NFATC1: variants seen among roughly 807,000 people sequenced by gnomAD.
The protein encoded by NFATC1 is nuclear factor of activated T-cells, cytoplasmic 1.
A neutral mutation model predicts 76.0 loss-of-function variants in NFATC1; 22 were observed. The ratio of observed to expected loss-of-function variants is 0.29; its 90% CI spans 0.21 to 0.41. The LOEUF is 0.41. Ranked by LOEUF, NFATC1 falls within the 10% of genes least tolerant of loss-of-function variation. The pLI is 1.00. For missense variants in NFATC1, 1,357 were observed against 1,337.7 expected (o/e 1.01, Z -0.23); for synonymous variants, 704 against 613.1 (o/e 1.15, Z -2.19).
chr18:79,484,847 C>CG lies in NFATC1; in HGVS notation c.2093-1393dup, dbSNP rs977461042. ...GCCTTCACGACCGCCGGGACCTGTG[C>CG]GGGGGGGGAAGAGGGCGGCTGCAGG... On this transcript the variant is annotated intron_variant, in intron 8 of 9. Transcript: ENST00000427363. 5.6e-3 allele frequency among the ~76,000 whole-genome samples: 841 copies of CG among 151,438 alleles called. 6 individuals carry two copies. The highest frequency in any genetic ancestry group is 0.014 in the African/African-American group (595 of 41,254).
chr18:79,487,219 G>A (rs2089533133), intron 9 of NFATC1, among the ~76,000 whole-genome samples: 2 of 152,242 alleles, frequency 1.3e-5, no homozygotes, highest in Non-Finnish European at 2.9e-5. Flanking sequence ...CGGGGTCTAA[G>A]GCTCACATTG....
chr18:79,415,800 G>A (rs560596996), intron 2 of NFATC1, among the ~76,000 whole-genome samples: 81 of 151,594 alleles, frequency 5.3e-4, no homozygotes, highest in African/African-American at 1.9e-3. Flanking sequence ...AGTGGCTCAC[G>A]CCTGTAATCC....
At chr18:79,416,630 A>G (rs947200353) in intron 2 of NFATC1, among the ~76,000 whole-genome samples, 3 of 152,220 alleles carry the variant, frequency 2.0e-5, no homozygotes, top group Non-Finnish European at 4.4e-5. Flanking sequence ...CGGATAGCAA[A>G]GAAGCCGAGG....
At chr18:79,425,232 C>CCTGTCT (rs1186901514) in intron 2 of NFATC1, among the ~76,000 whole-genome samples, 3 of 122,632 alleles carry the variant, frequency 2.4e-5, no homozygotes, top group East Asian at 2.0e-4. Flanking sequence ...TGTTTCTCTC[C>CCTGTCT]CTGTCTCTGT....
intron 3 of NFATC1, among the ~76,000 whole-genome samples, chr18:79,440,838 G>A (rs905178116): frequency 3.9e-5 from 6 of 152,278 alleles, no homozygotes; most frequent in Non-Finnish European, 8.8e-5. Context: ...AGGAGCTGCT[G>A]GGCGGGACGG....
intron 9 of NFATC1, among the ~76,000 whole-genome samples, chr18:79,500,587 AAGTT>A (rs1454759463): frequency 2.0e-5 from 3 of 152,254 alleles, no homozygotes; most frequent in East Asian, 3.9e-4. Flanking sequence ...AATAAAACCA[AAGTT>A]AGTTATTTGA....
intron 1 of NFATC1, among the ~76,000 whole-genome samples, chr18:79,406,767 C>T (rs181580011): frequency 3.9e-5 from 6 of 152,312 alleles, no homozygotes; most frequent in Admixed American, 2.0e-4. Flanking sequence ...AAAACCCCCT[C>T]GTGGGTCCCC....
At chr18:79,471,098 G>C (rs1331660128) in intron 8 of NFATC1, among the ~76,000 whole-genome samples, 3 of 152,232 alleles carry the variant, frequency 2.0e-5, no homozygotes, top group Non-Finnish European at 4.4e-5. Context: ...CCACAGAGAG[G>C]CTTCCTGAGC....
Position 79,528,828 on chromosome 18 carries a change from C to G in NFATC1, c.*1251C>G, listed in dbSNP as rs2090832644. Reference sequence around the variant, plus strand: ...GTTTGTGTAGGCCTTGCTGGGCACTCTGTACAATTAGTTGCTTATTACGTA... The same window carrying G: ...GTTTGTGTAGGCCTTGCTGGGCACTGTGTACAATTAGTTGCTTATTACGTA... On this transcript the variant is annotated 3_prime_UTR_variant, in exon 10 of 10. Coordinates refer to ENST00000427363, the MANE Select transcript of NFATC1 (RefSeq NM_001278669.2). 1 of 152,470 alleles carries G rather than the reference C, an allele frequency of 6.6e-6. No homozygotes were observed. Among genetic ancestry groups the G allele is most frequent in the Non-Finnish European group, 1.5e-5 (1 of 68,050 alleles). 9.4% of individuals were successfully genotyped at this position (152,470 alleles called of 1,614,324 possible).
At chr18:79,406,676 T>C (rs2085449701) in intron 1 of NFATC1, among the ~76,000 whole-genome samples, 1 of 151,856 alleles carries the variant, frequency 6.6e-6, no homozygotes, top group African/African-American at 2.4e-5. Context: ...CAACTTTTGG[T>C]GAGAATGCAG....
chr18:79,479,493 C>T (rs1196064992), intron 8 of NFATC1, among the ~76,000 whole-genome samples: 1 of 152,232 alleles, frequency 6.6e-6, no homozygotes, highest in Admixed American at 6.5e-5. Flanking sequence ...TCTCTGAAAC[C>T]CACACAAAAA....
intron 2 of NFATC1, among the ~76,000 whole-genome samples, chr18:79,425,167 CTCCA>C (rs761660288): frequency 1.8e-5 from 2 of 112,498 alleles, no homozygotes; most frequent in African/African-American, 4.1e-5. Context: ...GTCTCTGTCT[CTCCA>C]TCTGTCTCTC....
chr18:79,424,475 CTCTT>C (rs550546360), intron 2 of NFATC1, among the ~76,000 whole-genome samples: 23 of 132,114 alleles, frequency 1.7e-4, no homozygotes, highest in East Asian at 6.4e-4. Flanking sequence ...GTCTCTCTCT[CTCTT>C]TGTCTCTCCA....
chr18:79,523,511 G>A (rs541729298), intron 9 of NFATC1, among the ~76,000 whole-genome samples: 1 of 152,280 alleles, frequency 6.6e-6, no homozygotes, highest in Admixed American at 6.5e-5. Flanking sequence ...GCTTGTTTAC[G>A]CACAGCTAGT....
intron 6 of NFATC1, among the ~76,000 whole-genome samples, chr18:79,460,769 C>A (rs187496776): frequency 2.3e-4 from 35 of 152,304 alleles, no homozygotes; most frequent in African/African-American, 8.4e-4. Context: ...CGCACCCTGG[C>A]GTGGAGCCCC....
At position 79,478,953 on chromosome 18, in the gene NFATC1, T is replaced by C. The variant is rs1034964597; in HGVS notation, c.2093-7295T>C. ...GTCAGCTCTGCACGCCGCTGACCAC[T>C]GCGCGCCGCCTCCACAGACAGTCCC... On this transcript the variant is annotated intron_variant, in intron 8 of 9. Transcript: ENST00000427363. 2.6e-5 allele frequency among the ~76,000 whole-genome samples: 4 copies of C among 152,312 alleles called. No individual in the cohort carries two copies. The East Asian group carries it at 7.7e-4, about 29-fold the overall frequency.
At chr18:79,409,521 C>T (rs916290580) in intron 1 of NFATC1, among the ~76,000 whole-genome samples, 10 of 150,358 alleles carry the variant, frequency 6.7e-5, no homozygotes, top group Admixed American at 5.9e-4. Flanking sequence ...AGCTGTCCAT[C>T]CATCCATCAT....
chr18:79,414,285 T>G (rs956566049), intron 2 of NFATC1, among the ~76,000 whole-genome samples: 1 of 152,176 alleles, frequency 6.6e-6, no homozygotes, highest in Non-Finnish European at 1.5e-5. Context: ...TTTTTAATGA[T>G]CTCCAAAGTT....
At chr18:79,481,682 C>A (rs1387233037) in intron 8 of NFATC1, among the ~76,000 whole-genome samples, 1 of 152,264 alleles carries the variant, frequency 6.6e-6, no homozygotes, top group Non-Finnish European at 1.5e-5. Flanking sequence ...GCCATAGACC[C>A]TCGTGAGCCA....
Sources: allele counts gnomAD v4.1 joint callset (sites outside exome capture counted in the v4.1 genomes callset), GRCh38; gene constraint gnomAD v4.1.1; transcripts MANE v1.5; gene names NCBI Gene and HGNC (gene_info 2026-07-23, HGNC 2026-07-21).